Variants in CUX2 observed in about 807,000 individuals in gnomAD.
CUX2 encodes cut like homeobox 2.
CUX2 carries 40 observed loss-of-function variants against 144.8 expected under a neutral mutation model. The observed-to-expected ratio is 0.28, with a 90% CI of 0.21 to 0.36. CUX2 has a LOEUF of 0.36. Ranked by LOEUF, CUX2 falls within the 10% of genes least tolerant of loss-of-function variation. The pLI, the probability that CUX2 is intolerant of heterozygous loss-of-function variation, is 1.00. For missense variants in CUX2, 1,615 were observed against 1,994.0 expected (o/e 0.81, Z 3.62); for synonymous variants, 827 against 875.6 (o/e 0.94, Z 0.98).
chr12:111,113,108 C>T (rs185586711), intron 1 of CUX2, among the ~76,000 whole-genome samples: 184 of 152,238 alleles, frequency 1.2e-3, no homozygotes, highest in African/African-American at 3.8e-3. Flanking sequence ...AACAAAGACC[C>T]TGAGGCCTGG....
rs544761453 is a variant in CUX2 at position 111,349,380 on chromosome 12, G to A, written c.*1055G>A. 3.3e-5 allele frequency: 5 copies of A among 152,332 alleles called. No homozygotes were observed. The highest frequency in any genetic ancestry group is 3.9e-4 in the East Asian group (2 of 5,190). 9.4% of individuals were successfully genotyped at this position (152,332 alleles called of 1,614,324 possible). A position where few individuals can be genotyped will look rare whatever the true frequency, so the allele number is the denominator to read the frequency against. ...CTTCCCCTCTTGGTGTTTTCCGAAA[G>A]TGACAGTGTTGGTCATCCCATGACC... On this transcript the variant is annotated 3_prime_UTR_variant, in exon 22 of 22. Transcript: ENST00000261726.
At position 111,347,719 on chromosome 12, in the gene CUX2, C is replaced by A. The variant is rs1275625398; in HGVS notation, c.3855C>A (p.Ser1285Arg). 3 of 1,613,744 alleles carry A rather than the reference C, an allele frequency of 1.9e-6. No homozygotes were observed. Among genetic ancestry groups the A allele is most frequent in the Non-Finnish European group, 1.7e-6 (2 of 1,179,984 alleles). The change falls in exon 22 of 22, where the codon AGC becomes AGA. Residue 1285 changes from serine to arginine, a missense_variant. Ser to Arg is a moderately radical substitution (Grantham distance 110). Coordinates refer to ENST00000261726, the MANE Select transcript of CUX2 (RefSeq NM_015267.4). Reference protein sequence around the residue: ...LELQEGPEENSTPLTTQDKAQ... With the variant: ...LELQEGPEENRTPLTTQDKAQ... ...TTCAGGAGGGCCCTGAGGAGAACAG[C>A]ACACCCCTGACCACCCAGGACAAGG...
chr12:111,310,917 G>A lies in CUX2; in HGVS notation c.1900+235G>A, dbSNP rs546910878. 6.6e-6 allele frequency among the ~76,000 whole-genome samples: 1 copy of A among 152,380 alleles called. No individual in the cohort carries two copies. The highest frequency in any genetic ancestry group is 2.1e-4 in the South Asian group (1 of 4,834). On this transcript the variant is annotated intron_variant, in intron 15 of 21. Coordinates refer to ENST00000261726, the MANE Select transcript of CUX2 (RefSeq NM_015267.4). The surrounding 1 kb of genome is among the most constrained non-coding windows in gnomAD (Gnocchi z 7.9). ...TGGCCAGAGACAGTCTGCCCTTCCT[G>A]GGGCACTCAGGGTAAGGGTGGCGGG...
chr12:111,064,835 G>A (rs1319865959), intron 1 of CUX2, among the ~76,000 whole-genome samples: 2 of 152,134 alleles, frequency 1.3e-5, no homozygotes, highest in Non-Finnish European at 2.9e-5. Flanking sequence ...AATGTTGAGT[G>A]GCTTCATGTG....
chr12:111,103,882 T>TCC (rs1873425513), intron 1 of CUX2, among the ~76,000 whole-genome samples: 1 of 152,210 alleles, frequency 6.6e-6, no homozygotes, highest in Admixed American at 6.5e-5. Context: ...GCCAGGATTC[T>TCC]CCCCTGGCAG....
At chr12:111,288,844 T>A (rs992498514) in intron 4 of CUX2, among the ~76,000 whole-genome samples, 1 of 152,150 alleles carries the variant, frequency 6.6e-6, no homozygotes, top group South Asian at 2.1e-4. Context: ...GCATCTGTAA[T>A]CTCAGCTACT....
chr12:111,036,991 A>G (rs2135998290), intron 1 of CUX2, among the ~76,000 whole-genome samples: 1 of 147,028 alleles, frequency 6.8e-6, no homozygotes, highest in Non-Finnish European at 1.5e-5. Context: ...CCTCTCTTGT[A>G]CATAATGCCA....
At chr12:111,087,513 A>G (rs911903379) in intron 1 of CUX2, among the ~76,000 whole-genome samples, 4 of 152,184 alleles carry the variant, frequency 2.6e-5, no homozygotes, top group Non-Finnish European at 4.4e-5. Flanking sequence ...ATTCCTTGAG[A>G]AAACACACGC....
chr12:111,228,967 TGA>T (rs1369264704), intron 3 of CUX2, among the ~76,000 whole-genome samples: 1 of 152,012 alleles, frequency 6.6e-6, no homozygotes, highest in Non-Finnish European at 1.5e-5. Flanking sequence ...TTGTACCAAG[TGA>T]GAACAGAGGT....
chr12:111,182,226 G>T (rs1879230378), intron 1 of CUX2, among the ~76,000 whole-genome samples: 1 of 152,134 alleles, frequency 6.6e-6, no homozygotes, highest in East Asian at 1.9e-4. Flanking sequence ...CCATCCTAGG[G>T]CCCCGGGGAG....
intron 3 of CUX2, among the ~76,000 whole-genome samples, chr12:111,224,699 CAGCAGGGGAGGGCAGGG>C (rs1882038303): frequency 6.6e-6 from 1 of 152,116 alleles, no homozygotes; most frequent in East Asian, 1.9e-4. Context: ...GCAGTTCTGA[CAGCAGGGGAGGGCAGGG>C]AGCAGGGGAG....
At chr12:111,163,908 G>A (rs1041034435) in intron 1 of CUX2, among the ~76,000 whole-genome samples, 1 of 152,028 alleles carries the variant, frequency 6.6e-6, no homozygotes, top group Non-Finnish European at 1.5e-5. Flanking sequence ...TTTTCCTCTA[G>A]GAGTTTAAAT....
At chr12:111,288,544 C>T (rs943867576) in intron 4 of CUX2, among the ~76,000 whole-genome samples, 2 of 151,752 alleles carry the variant, frequency 1.3e-5, no homozygotes, top group African/African-American at 2.4e-5. Context: ...TCTGGGGGAG[C>T]GACCAGGCAC....
At chr12:111,063,009 T>C (rs1428600678) in intron 1 of CUX2, among the ~76,000 whole-genome samples, 3 of 151,890 alleles carry the variant, frequency 2.0e-5, no homozygotes, top group African/African-American at 4.8e-5. Flanking sequence ...TTATCATGAA[T>C]GGGAGGGGAC....
chr12:111,186,634 C>T lies in CUX2; in HGVS notation c.64-27566C>T, dbSNP rs1043848720. ...GCAGGGTCCCTGGGCTCGCCTTCAG[C>T]GCCGCCATCTGCCAGCTGTGTGACC... On this transcript the variant is annotated intron_variant, in intron 1 of 21. Coordinates refer to ENST00000261726, the MANE Select transcript of CUX2 (RefSeq NM_015267.4). This position sits in a 1 kb window ranked among gnomAD's most constrained non-coding sequence, Gnocchi z 4.4. 6.6e-6 allele frequency among the ~76,000 whole-genome samples: 1 copy of T among 152,196 alleles called. No individual in the cohort carries two copies. Among genetic ancestry groups the T allele is most frequent in the African/African-American group, 2.4e-5 (1 of 41,444 alleles).
At chr12:111,340,933 G>A (rs1888548277) in intron 20 of CUX2, among the ~76,000 whole-genome samples, 1 of 152,206 alleles carries the variant, frequency 6.6e-6, no homozygotes, top group Non-Finnish European at 1.5e-5. Flanking sequence ...GTTCCAGCCA[G>A]TGGAAACCGG....
intron 1 of CUX2, among the ~76,000 whole-genome samples, chr12:111,092,488 T>G (rs1392994841): frequency 4.6e-5 from 7 of 152,122 alleles, no homozygotes; most frequent in African/African-American, 1.7e-4. Context: ...TGGGAAGACA[T>G]CACTGTGGGT....
At chr12:111,133,891 C>T (rs141987136) in intron 1 of CUX2, among the ~76,000 whole-genome samples, 2 of 152,262 alleles carry the variant, frequency 1.3e-5, no homozygotes, top group Non-Finnish European at 2.9e-5. Flanking sequence ...AGTTTAGGGT[C>T]TCAGTGTGCC....
At chr12:111,334,119 G>A (rs979242361) in intron 18 of CUX2, among the ~76,000 whole-genome samples, 13 of 143,560 alleles carry the variant, frequency 9.1e-5, no homozygotes, top group Admixed American at 4.8e-4. Context: ...CCCGGGAGGC[G>A]GAGGTTGCAG....
Sources: gnomAD v4.1 joint callset for allele counts (sites outside exome capture counted in the v4.1 genomes callset) on GRCh38, gnomAD v4.1.1 for gene constraint, Gnocchi (gnomAD v3.1) non-coding constraint, MANE v1.5 for transcripts, NCBI Gene and HGNC (gene_info 2026-07-23, HGNC 2026-07-21) for gene names.